RPS6KA2: variants seen among roughly 807,000 people sequenced by gnomAD.
RPS6KA2 encodes ribosomal protein S6 kinase alpha-2.
Under a neutral mutation model 91.8 loss-of-function variants are expected in RPS6KA2, and 42 were observed. The ratio of observed to expected loss-of-function variants is 0.46; its 90% CI spans 0.36 to 0.59. RPS6KA2 has a LOEUF of 0.59. RPS6KA2 is among the 20% of genes least tolerant of loss of function. The probability of loss-of-function intolerance (pLI) is 0.00; values close to 1 mark genes in which losing one functional copy is unlikely to be tolerated. For missense variants in RPS6KA2, 798 were observed against 978.5 expected (o/e 0.82, Z 2.46); for synonymous variants, 414 against 393.6 (o/e 1.05, Z -0.61).
intron 1 of RPS6KA2, among the ~76,000 whole-genome samples, chr6:166,860,507 G>A (rs1781022207): frequency 6.6e-6 from 1 of 152,160 alleles, no homozygotes; most frequent in Admixed American, 6.5e-5. Flanking sequence ...AGCGATTTGA[G>A]AAATATGTGA....
intron 2 of RPS6KA2, among the ~76,000 whole-genome samples, chr6:166,806,051 A>T (rs1473016291): frequency 6.6e-6 from 1 of 152,224 alleles, no homozygotes; most frequent in East Asian, 1.9e-4. Context: ...AGGATCGGAA[A>T]ATGGAAATTA....
chr6:166,774,865 G>A (rs2072639), intron 2 of RPS6KA2, among the ~76,000 whole-genome samples: 2 of 144,478 alleles, frequency 1.4e-5, no homozygotes, highest in African/African-American at 5.8e-5. Flanking sequence ...CTTCTTGTCT[G>A]TGACCTCTGA....
chr6:166,562,844 G>T (rs1221792822), intron 1 of RPS6KA2, among the ~76,000 whole-genome samples: 1 of 152,238 alleles, frequency 6.6e-6, no homozygotes, highest in Non-Finnish European at 1.5e-5. Context: ...TGCAGACGAG[G>T]TGTCTTAGTT....
intron 2 of RPS6KA2, among the ~76,000 whole-genome samples, chr6:166,846,965 T>C (rs1780623059): frequency 1.3e-5 from 2 of 151,928 alleles, no homozygotes; most frequent in Admixed American, 1.3e-4. Flanking sequence ...AAAACCCTAG[T>C]AAAGAGGAAG....
chr6:166,620,438 C>T (rs542313079), intron 1 of RPS6KA2, among the ~76,000 whole-genome samples: 21 of 152,284 alleles, frequency 1.4e-4, no homozygotes, highest in Non-Finnish European at 2.8e-4. Flanking sequence ...CCAGAAACAG[C>T]GTGGAAAACA....
chr6:166,551,931 T>C (rs1253942257), intron 1 of RPS6KA2, among the ~76,000 whole-genome samples: 2 of 152,204 alleles, frequency 1.3e-5, no homozygotes, highest in Non-Finnish European at 2.9e-5. Context: ...GTATTTCAAG[T>C]GAGGCGACAA....
In RPS6KA2 at chr6:166,768,461, G is replaced by A. The variant is rs184683718; in HGVS notation, c.123+89739C>T. Among the ~76,000 whole-genome samples the A allele has an allele frequency of 6.6e-5, 10 of 152,274 alleles. No individual in the cohort carries two copies. The East Asian group carries it at 7.7e-4, about 12-fold the overall frequency. ...CGCTTCTGGGACCATCCTGGTGAGCGGCCCAATGTTCCTTAGCCAAGCGGC... is the reference window on the plus strand; with the variant it reads ...CGCTTCTGGGACCATCCTGGTGAGCAGCCCAATGTTCCTTAGCCAAGCGGC... On this transcript the variant is annotated intron_variant, in intron 2 of 21. Transcript: ENST00000503859.
chr6:166,468,856 T>TCCGCCTAAAAAAA (rs567161437), intron 11 of RPS6KA2, among the ~76,000 whole-genome samples: 28 of 112,132 alleles, frequency 2.5e-4, no homozygotes, highest in East Asian at 7.2e-4. Context: ...AGAGCGAGAC[T>TCCGCCTAAAAAAA]AAAAAAAAAA....
intron 1 of RPS6KA2, among the ~76,000 whole-genome samples, chr6:166,545,554 T>C (rs1288648899): frequency 1.3e-5 from 2 of 152,204 alleles, no homozygotes; most frequent in African/African-American, 4.8e-5. Flanking sequence ...AAACCAGCCT[T>C]GGCATTTCTC....
At chr6:166,614,946 AC>A (rs1716054851) in intron 1 of RPS6KA2, among the ~76,000 whole-genome samples, 3 of 152,174 alleles carry the variant, frequency 2.0e-5, no homozygotes, top group South Asian at 4.1e-4. Context: ...ACATATGGGA[AC>A]AGCTCCAGGT....
At chr6:166,693,245 T>A (rs916709717) in intron 2 of RPS6KA2, among the ~76,000 whole-genome samples, 2 of 152,212 alleles carry the variant, frequency 1.3e-5, no homozygotes, top group African/African-American at 4.8e-5. Context: ...TTGCCTCCTA[T>A]CACTGCCTGT....
At chr6:166,521,266 T>TCACCCAAAGCTGTGGGAGGC (rs1782845483) in intron 3 of RPS6KA2, among the ~76,000 whole-genome samples, 1 of 152,096 alleles carries the variant, frequency 6.6e-6, no homozygotes, top group Non-Finnish European at 1.5e-5. Context: ...CTGGATTGGG[T>TCACCCAAAGCTGTGGGAGGC]CACCCAAAGC....
rs376337941 is a variant in RPS6KA2 at position 166,563,773 on chromosome 6, T to A, written c.100-24989A>T. Among the ~76,000 whole-genome samples, 2 of 152,340 alleles carry A rather than the reference T, an allele frequency of 1.3e-5. No homozygotes were observed. Among genetic ancestry groups the A allele is most frequent in the East Asian group, 3.9e-4 (2 of 5,186 alleles). ...TATGGGCTGGACCTTTAGGGTATTG[T>A]TTGTAAGATGTATATGATTTTCATA... On this transcript the variant is annotated intron_variant, in intron 1 of 20. Coordinates refer to ENST00000265678, the MANE Select transcript of RPS6KA2 (RefSeq NM_021135.6). The surrounding 1 kb of genome is among the most constrained non-coding windows in gnomAD (Gnocchi z 4.1).
intron 1 of RPS6KA2, among the ~76,000 whole-genome samples, chr6:166,609,565 T>C (rs1786087967): frequency 6.6e-6 from 1 of 151,486 alleles, no homozygotes; most frequent in African/African-American, 2.4e-5. Flanking sequence ...TGGAGTGCAG[T>C]CTTGGCTCAC....
intron 2 of RPS6KA2, among the ~76,000 whole-genome samples, chr6:166,684,309 C>T (rs1159409946): frequency 6.6e-6 from 1 of 152,176 alleles, no homozygotes; most frequent in Non-Finnish European, 1.5e-5. Flanking sequence ...AGTTACTGCC[C>T]TTTTCCTAGA....
chr6:166,770,801 T>C lies in RPS6KA2; in HGVS notation c.123+87399A>G. The C allele has an allele frequency of 1.5e-6, 2 of 1,324,194 alleles. No individual in the cohort carries two copies. The highest frequency in any genetic ancestry group is 2.0e-6 in the Non-Finnish European group (2 of 982,324). 82.0% of individuals were successfully genotyped at this position (1,324,194 alleles called of 1,614,324 possible). On this transcript the variant is annotated intron_variant, in intron 2 of 21. Coordinates refer to the RPS6KA2 transcript ENST00000503859. The surrounding 1 kb of genome is among the most constrained non-coding windows in gnomAD (Gnocchi z 5.1). ...ATTGAAAAAGACTTCATGTTTAACTTAAAAAAAAAATGTAACTCACATAAG... is the reference window on the plus strand; with the variant it reads ...ATTGAAAAAGACTTCATGTTTAACTCAAAAAAAAAATGTAACTCACATAAG...
At chr6:166,701,896 C>A in intron 2 of RPS6KA2, 1 of 1,084,108 alleles carries the variant, frequency 9.2e-7, no homozygotes, top group African/African-American at 1.5e-5. Flanking sequence ...ATGGAGATAT[C>A]GTGATTTTAG....
At chr6:166,702,556 T>TC (rs1789557482) in intron 2 of RPS6KA2, 6 of 1,444,708 alleles carry the variant, frequency 4.2e-6, no homozygotes, top group Middle Eastern at 1.8e-4. Context: ...ATCCAGCACC[T>TC]CCCACTGTAA....
At chr6:166,625,336 C>G (rs1488645808) in intron 1 of RPS6KA2, among the ~76,000 whole-genome samples, 13 of 114,794 alleles carry the variant, frequency 1.1e-4, no homozygotes, top group East Asian at 9.4e-4. Flanking sequence ...CCCCCACCCC[C>G]CCCCCCGCTT....
Sources: allele counts gnomAD v4.1 joint callset (sites outside exome capture counted in the v4.1 genomes callset), GRCh38; gene constraint gnomAD v4.1.1; non-coding constraint Gnocchi (gnomAD v3.1); transcripts MANE v1.5; gene names NCBI Gene and HGNC (gene_info 2026-07-23, HGNC 2026-07-21).